CRLS1: variants seen among roughly 807,000 people sequenced by gnomAD.
CRLS1 encodes cardiolipin synthase 1.
A neutral mutation model predicts 37.0 loss-of-function variants in CRLS1; 24 were observed. The ratio of observed to expected loss-of-function variants is 0.65; its 90% CI spans 0.47 to 0.91. The LOEUF is 0.91. Ranked by LOEUF, CRLS1 falls within the 40% of genes least tolerant of loss-of-function variation. The pLI is 0.00. For missense variants in CRLS1, 373 were observed against 395.8 expected, an observed-to-expected ratio of 0.94 and a Z score of 0.49; for synonymous variants, 135 against 159.7, an observed-to-expected ratio of 0.85 and a Z score of 1.17.
At chr20:6,009,933 C>T in intron 2 of CRLS1, 21 bp downstream of exon 2, 1 of 1,609,304 alleles carries the variant, frequency 6.2e-7, no homozygotes, top group South Asian at 1.1e-5. Context: ...AATGCACTCC[C>T]AGTTTGCTCT....
intron 1 of CRLS1, chr20:6,006,790 C>T (rs1205986138): frequency 1.0e-6 from 1 of 985,428 alleles, no homozygotes; most frequent in Non-Finnish European, 1.2e-6. Context: ...CTTCTATCTG[C>T]ACCCGTTGCT....
At chr20:6,011,572 CTTTTT>C (rs559511975) in intron 2 of CRLS1, among the ~76,000 whole-genome samples, 190 of 27,812 alleles carry the variant, frequency 6.8e-3, no homozygotes, top group East Asian at 0.061. Context: ...TTTGTCCCTG[CTTTTT>C]TTTTTTTTTT....
intron 3 of CRLS1, among the ~76,000 whole-genome samples, chr20:6,017,111 C>T (rs1217607992): frequency 6.6e-6 from 1 of 152,132 alleles, no homozygotes; most frequent in East Asian, 1.9e-4. Context: ...TGACCTCAGC[C>T]TCCCAAGAAC....
At chr20:6,023,123 T>A (rs1979406758) in intron 3 of CRLS1, among the ~76,000 whole-genome samples, 1 of 152,212 alleles carries the variant, frequency 6.6e-6, no homozygotes, top group Non-Finnish European at 1.5e-5. Context: ...GGTTTTTAGT[T>A]CCATGCTGAA....
At chr20:6,036,153 T>G (rs1980533387) in intron 6 of CRLS1, among the ~76,000 whole-genome samples, 1 of 152,198 alleles carries the variant, frequency 6.6e-6, no homozygotes, top group Non-Finnish European at 1.5e-5. Flanking sequence ...TCTCACTATG[T>G]TGCCCAGGCT....
chr20:6,024,134 T>C (rs956802650), intron 3 of CRLS1, among the ~76,000 whole-genome samples: 2 of 152,052 alleles, frequency 1.3e-5, no homozygotes, highest in Non-Finnish European at 2.9e-5. Context: ...TTTAAATTTT[T>C]TTATAGAGAT....
intron 3 of CRLS1, among the ~76,000 whole-genome samples, chr20:6,016,897 T>C (rs1242196773): frequency 6.6e-6 from 1 of 152,260 alleles, no homozygotes. Context: ...GCCAGATTTT[T>C]AGAGGTCTTA....
At chr20:6,020,210 T>C (rs1979143883) in intron 3 of CRLS1, among the ~76,000 whole-genome samples, 1 of 152,218 alleles carries the variant, frequency 6.6e-6, no homozygotes, top group Admixed American at 6.5e-5. Context: ...TATAAGTGGA[T>C]ACCTAACTTG....
chr20:6,031,721 G>A (rs538755558), intron 4 of CRLS1, among the ~76,000 whole-genome samples: 1 of 152,248 alleles, frequency 6.6e-6, no homozygotes, highest in East Asian at 1.9e-4. Flanking sequence ...TAGAGCAGTA[G>A]AGCAGTATTT....
intron 3 of CRLS1, among the ~76,000 whole-genome samples, chr20:6,028,109 C>T (rs558691828): frequency 6.6e-5 from 10 of 152,262 alleles, no homozygotes; most frequent in African/African-American, 2.2e-4. Flanking sequence ...TTTTATGCTG[C>T]ATTTTTTAAA....
At chr20:6,008,615 A>G (rs1367053261) in intron 1 of CRLS1, among the ~76,000 whole-genome samples, 1 of 152,226 alleles carries the variant, frequency 6.6e-6, no homozygotes, top group East Asian at 1.9e-4. Context: ...ACTGTTTTGA[A>G]CAAATTTACA....
chr20:6,016,233 G>A (rs1191583387), intron 3 of CRLS1, among the ~76,000 whole-genome samples: 1 of 152,166 alleles, frequency 6.6e-6, no homozygotes, highest in Non-Finnish European at 1.5e-5. Context: ...GAACAAAGAA[G>A]CTGCCACATG....
Position 6,037,061 on chromosome 20 carries a change from T to C in CRLS1, c.822-13T>C, listed in dbSNP as rs1439903251. 6.3e-7 allele frequency: 1 copy of C among 1,596,444 alleles called. No homozygotes were observed. The highest frequency in any genetic ancestry group is 1.7e-5 in the Admixed American group (1 of 59,628). The stretch of plus-strand genomic sequence containing the variant: ...CTTGACAACTACATTTTATTTCTTT[T>C]CTTCCATAAAAGGTGTTTTACAGCT... On this transcript the variant is annotated splice_polypyrimidine_tract_variant and intron_variant, in intron 6 of 6. Transcript: ENST00000378863.
At chr20:6,029,132 C>T (rs1173079117) in intron 3 of CRLS1, among the ~76,000 whole-genome samples, 1 of 118,632 alleles carries the variant, frequency 8.4e-6, no homozygotes, top group African/African-American at 3.3e-5. Flanking sequence ...GTTTGGGGAA[C>T]CCTTGATTTT....
At position 6,009,793 on chromosome 20, in the gene CRLS1, A is replaced by G. The variant is rs2090108175; in HGVS notation, c.325A>G (p.Ile109Val). The G allele has an allele frequency of 6.2e-7, 1 of 1,613,808 alleles. No homozygotes were observed. Residue 109 changes from isoleucine to valine, a missense_variant, in exon 2 of 7, where the codon ATC becomes GTC. By Grantham distance (29) the Ile-to-Val change is conservative. Transcript: ENST00000378863. ...GTTTCAGTATGAAAACCCATGGACA[A>G]TCCCGAATATGTTGTCAATGACGAG... ...TPSLYENPWT[I>V]PNMLSMTRIG...
intron 3 of CRLS1, chr20:6,028,359 A>G (rs1979889897): frequency 1.3e-5 from 2 of 152,148 alleles, no homozygotes; most frequent in Non-Finnish European, 2.9e-5. Flanking sequence ...ATTTATGTCC[A>G]CTGAACTTAG....
chr20:6,038,706 A>G lies in CRLS1; in HGVS notation c.*1548A>G, dbSNP rs542881405. 4 of 152,380 alleles carry G rather than the reference A, an allele frequency of 2.6e-5. No homozygotes were observed. Among genetic ancestry groups the G allele is most frequent in the East Asian group, 3.9e-4 (2 of 5,194 alleles). 9.4% of individuals were successfully genotyped at this position (152,380 alleles called of 1,614,324 possible). On this transcript the variant is annotated 3_prime_UTR_variant, in exon 7 of 7. Transcript: ENST00000378863. ...TGAGCATTAGTGACGGGTGAGCCAC[A>G]TAAGAATAATGTTTAAAAAAGAGAG...
intron 2 of CRLS1, 142 bp downstream of exon 2, chr20:6,010,054 T>G (rs1051033805): frequency 5.0e-6 from 4 of 805,962 alleles, no homozygotes; most frequent in Non-Finnish European, 1.8e-6. Context: ...TTGTGAGGAC[T>G]TTGTCTTTAG....
At chr20:6,028,884 G>A (rs1412890718) in intron 3 of CRLS1, among the ~76,000 whole-genome samples, 1 of 152,192 alleles carries the variant, frequency 6.6e-6, no homozygotes, top group East Asian at 1.9e-4. Flanking sequence ...TACTCTAGTA[G>A]GCAAAATGAA....
Sources: gnomAD v4.1 joint callset for allele counts (sites outside exome capture counted in the v4.1 genomes callset) on GRCh38, gnomAD v4.1.1 for gene constraint, MANE v1.5 for transcripts, NCBI Gene and HGNC (gene_info 2026-07-23, HGNC 2026-07-21) for gene names.